The following SDC2 variants were observed in gnomAD, a reference collection of about 807,000 sequenced individuals.
SDC2 encodes syndecan-2.
In SDC2, 13 loss-of-function variants were observed where a neutral mutation model predicts 22.2. The observed-to-expected ratio is 0.59, with a 90% CI of 0.38 to 0.93. The LOEUF (loss-of-function observed/expected upper bound fraction) is 0.93. Among genes scored for constraint, SDC2 ranks in the 40% least tolerant of loss-of-function variants. The pLI, the probability that SDC2 is intolerant of heterozygous loss-of-function variation, is 0.00. For missense variants in SDC2, 235 were observed against 246.8 expected (o/e 0.95, Z 0.32); for synonymous variants, 94 against 92.8 (o/e 1.01, Z -0.07).
intron 1 of SDC2, among the ~76,000 whole-genome samples, chr8:96,543,521 G>T (rs1429824366): frequency 1.3e-5 from 2 of 152,070 alleles, no homozygotes; most frequent in Admixed American, 6.5e-5. Context: ...GTGTTATTTT[G>T]GAATTTTTAT....
At chr8:96,583,251 T>TCA (rs1260915870) in intron 1 of SDC2, among the ~76,000 whole-genome samples, 1 of 148,240 alleles carries the variant, frequency 6.7e-6, no homozygotes, top group Non-Finnish European at 1.5e-5. Flanking sequence ...TGCACCCAGC[T>TCA]CATGACACTT....
rs530925033 is a variant in SDC2, at chr8:96,536,248, G to A, written c.60+41917G>A. On this transcript the variant is annotated intron_variant, in intron 1 of 4. Coordinates refer to ENST00000302190, the MANE Select transcript of SDC2 (RefSeq NM_002998.4). ...TAACCAAGTGAAGGGAGGCAGTGACGTGGGTACTTCCACATAGAGGCTGCA... is the reference window on the plus strand; with the variant it reads ...TAACCAAGTGAAGGGAGGCAGTGACATGGGTACTTCCACATAGAGGCTGCA... Among the ~76,000 whole-genome samples the A allele has an allele frequency of 3.3e-5, 5 of 152,146 alleles. No individual in the cohort carries two copies. The South Asian group carries it at 6.2e-4, about 19-fold the overall frequency.
At chr8:96,602,001 G>A (rs187804552) in intron 2 of SDC2, among the ~76,000 whole-genome samples, 6 of 152,134 alleles carry the variant, frequency 3.9e-5, no homozygotes, top group African/African-American at 7.2e-5. Context: ...CTCGTGATCC[G>A]CTCTCCTCGG....
chr8:96,608,262 T>C, intron 3 of SDC2, 73 bp from the exon 4 acceptor site: 1 of 1,480,154 alleles, frequency 6.8e-7, no homozygotes, highest in Non-Finnish European at 9.1e-7. Flanking sequence ...TTTTGGAATA[T>C]ACTCATCTAT....
intron 1 of SDC2, among the ~76,000 whole-genome samples, chr8:96,548,598 C>T (rs1813974025): frequency 6.6e-6 from 1 of 152,172 alleles, no homozygotes; most frequent in Non-Finnish European, 1.5e-5. Context: ...AGCAAAGTGC[C>T]ACCTTTTCAC....
chr8:96,499,552 G>A (rs1340368639), intron 1 of SDC2, among the ~76,000 whole-genome samples: 2 of 152,184 alleles, frequency 1.3e-5, no homozygotes, highest in African/African-American at 2.4e-5. Context: ...ACAAGTCTGG[G>A]TTCAGATGCT....
intron 1 of SDC2, among the ~76,000 whole-genome samples, chr8:96,550,846 C>T (rs561837460): frequency 9.2e-5 from 14 of 152,242 alleles, no homozygotes; most frequent in East Asian, 1.9e-4. Context: ...GGAGGTCTCA[C>T]GCATGGGGTG....
Position 96,609,328 on chromosome 8 carries a change from C to T in SDC2, c.443-57C>T, listed in dbSNP as rs115717665. ...AAGTAGATTAGGCTTGACAATAAAG[C>T]TAATGTCTGCAACCCTTGAATCTCT... On this transcript the variant is annotated intron_variant, in intron 4 of 4. Coordinates refer to ENST00000302190, the MANE Select transcript of SDC2 (RefSeq NM_002998.4). The T allele has an allele frequency of 4.3e-3, 5,856 of 1,376,216 alleles. 72 individuals carry two copies. Among genetic ancestry groups the T allele is most frequent in the African/African-American group, 0.04 (2,762 of 68,480 alleles). 85.3% of individuals were successfully genotyped at this position (1,376,216 alleles called of 1,614,324 possible). A position where few individuals can be genotyped will look rare whatever the true frequency, so the allele number is the denominator to read the frequency against.
intron 1 of SDC2, among the ~76,000 whole-genome samples, chr8:96,507,252 T>C (rs1230628080): frequency 6.6e-6 from 1 of 152,232 alleles, no homozygotes; most frequent in East Asian, 1.9e-4. Flanking sequence ...GTGTATTTTC[T>C]TATAAAACAT....
chr8:96,511,061 C>G (rs1489351132), intron 1 of SDC2, among the ~76,000 whole-genome samples: 1 of 152,164 alleles, frequency 6.6e-6, no homozygotes, highest in African/African-American at 2.4e-5. Context: ...AATGGAGATT[C>G]TGGGCCTCTC....
At chr8:96,528,895 AT>A (rs2130478229) in intron 1 of SDC2, among the ~76,000 whole-genome samples, 1 of 152,340 alleles carries the variant, frequency 6.6e-6, no homozygotes, top group East Asian at 1.9e-4. Flanking sequence ...AAGTGCTCAA[AT>A]TTTAATTCAT....
intron 2 of SDC2, among the ~76,000 whole-genome samples, chr8:96,601,212 A>G (rs1814976397): frequency 6.6e-6 from 1 of 152,192 alleles, no homozygotes; most frequent in Admixed American, 6.5e-5. Context: ...TGCTGTGGAT[A>G]CTGGTGACCT....
chr8:96,588,281 G>C (rs1232772545), intron 1 of SDC2, among the ~76,000 whole-genome samples: 2 of 152,160 alleles, frequency 1.3e-5, no homozygotes. Context: ...GTCCAGTCAA[G>C]CTCTAAAATT....
At chr8:96,591,926 G>A (rs1176079240) in intron 1 of SDC2, among the ~76,000 whole-genome samples, 1 of 152,166 alleles carries the variant, frequency 6.6e-6, no homozygotes, top group Non-Finnish European at 1.5e-5. Context: ...TGATAGAGCT[G>A]TAGAACACAG....
chr8:96,571,741 A>G (rs1814398570), intron 1 of SDC2, among the ~76,000 whole-genome samples: 1 of 152,204 alleles, frequency 6.6e-6, no homozygotes, highest in African/African-American at 2.4e-5. Flanking sequence ...CTGCTCACAA[A>G]CTAAAACTGT....
At chr8:96,593,823 A>G (rs905877769) in intron 2 of SDC2, among the ~76,000 whole-genome samples, 2 of 152,212 alleles carry the variant, frequency 1.3e-5, no homozygotes, top group African/African-American at 4.8e-5. Flanking sequence ...GAAAGTAACA[A>G]TAGTCCTTAC....
At chr8:96,557,630 T>A (rs1259363982) in intron 1 of SDC2, among the ~76,000 whole-genome samples, 1 of 74,034 alleles carries the variant, frequency 1.4e-5, no homozygotes, top group Admixed American at 1.6e-4. Context: ...TGTGGTGGGG[T>A]GGGGGGAGTG....
chr8:96,515,931 C>G (rs1001686722), intron 1 of SDC2, among the ~76,000 whole-genome samples: 2 of 152,074 alleles, frequency 1.3e-5, no homozygotes, highest in African/African-American at 4.8e-5. Flanking sequence ...CACCAACTTA[C>G]GGCTCCCTAG....
chr8:96,532,412 GTTTT>G (rs35452131), intron 1 of SDC2, among the ~76,000 whole-genome samples: 31 of 47,942 alleles, frequency 6.5e-4, no homozygotes, highest in Admixed American at 2.5e-3. Context: ...TTATTGAGGC[GTTTT>G]TTTTTTTTTT....
Sources: gnomAD v4.1 joint callset for allele counts (sites outside exome capture counted in the v4.1 genomes callset) on GRCh38, gnomAD v4.1.1 for gene constraint, MANE v1.5 for transcripts, NCBI Gene and HGNC (gene_info 2026-07-23, HGNC 2026-07-21) for gene names.